The following PPAT variants were observed in gnomAD, a reference collection of about 807,000 sequenced individuals.
The protein encoded by PPAT is phosphoribosyl pyrophosphate amidotransferase, also known as amidophosphoribosyltransferase.
In PPAT, 20 loss-of-function variants were observed where a neutral mutation model predicts 60.2. That is an observed-to-expected ratio of 0.33 (90% confidence interval 0.23 to 0.48). The LOEUF is 0.48. Ranked by LOEUF, PPAT falls within the 20% of genes least tolerant of loss-of-function variation. The pLI is 0.99. For missense variants in PPAT, 349 were observed against 629.6 expected (o/e 0.55, Z 4.77); for synonymous variants, 194 against 215.1 (o/e 0.90, Z 0.86).
chr4:56,396,915 G>T lies in PPAT; in HGVS notation c.1237-176C>A, dbSNP rs763355375. 1 of 511,892 alleles carries T rather than the reference G, an allele frequency of 2.0e-6. No homozygotes were observed. Among genetic ancestry groups the T allele is most frequent in the Non-Finnish European group, 3.2e-6 (1 of 316,818 alleles). The allele number at this position is 511,892 out of a possible 1,614,324, so 31.7% of individuals were successfully genotyped here. On this transcript the variant is annotated intron_variant, in intron 9 of 10. Transcript: ENST00000264220. The surrounding 1 kb of genome is among the most constrained non-coding windows in gnomAD (Gnocchi z 4.6). ...TTTTCTTTCACCTAATCATGAGGAA[G>T]TTTCTTTGTCTAGATATCCTACTTC...
At chr4:56,406,303 G>A (rs771627205) in intron 3 of PPAT, among the ~76,000 whole-genome samples, 192 bp downstream of exon 3, 2 of 152,054 alleles carry the variant, frequency 1.3e-5, no homozygotes, top group Non-Finnish European at 2.9e-5. Flanking sequence ...CCCTTGTCTC[G>A]AACTCTAGGG....
Position 56,402,147 on chromosome 4 carries a change from C to T in PPAT, c.696G>A (p.Val232=), listed in dbSNP as rs1263397931. 66 of 1,606,604 alleles carry T rather than the reference C, an allele frequency of 4.1e-5. No individual in the cohort carries two copies. The highest frequency in any genetic ancestry group is 5.5e-5 in the Non-Finnish European group (65 of 1,174,476). The change falls in exon 6 of 11, where the codon GTG becomes GTA. Residue 232 remains valine, a synonymous_variant. Coordinates refer to ENST00000264220, the MANE Select transcript of PPAT (RefSeq NM_002703.5). ...KKTSETEGWV[V]SSESCSFLSI... Reference sequence around the variant, plus strand: ...ATAAGAAGCTACAAGATTCTGAAGACACCACCCATCCTTCTGTTTCTGATG... The same window carrying T: ...ATAAGAAGCTACAAGATTCTGAAGATACCACCCATCCTTCTGTTTCTGATG...
chr4:56,430,433 G>C (rs116750010), intron 1 of PPAT, among the ~76,000 whole-genome samples: 2 of 152,094 alleles, frequency 1.3e-5, no homozygotes, highest in African/African-American at 4.8e-5. Flanking sequence ...AGGTCTCTGC[G>C]AGGGCAGGGA....
intron 1 of PPAT, chr4:56,431,511 C>G: frequency 4.1e-6 from 4 of 980,082 alleles, no homozygotes; most frequent in Non-Finnish European, 4.8e-6. Flanking sequence ...AAAGATTCTA[C>G]AGAATGTTTC....
Position 56,396,578 on chromosome 4 carries a change from C to T in PPAT, c.1357+41G>A, listed in dbSNP as rs777842143. 7 of 1,549,768 alleles carry T rather than the reference C, an allele frequency of 4.5e-6. No individual in the cohort carries two copies. Among genetic ancestry groups the T allele is most frequent in the South Asian group, 1.1e-5 (1 of 86,992 alleles). On this transcript the variant is annotated intron_variant, in intron 10 of 10. Transcript: ENST00000264220. This position sits in a 1 kb window ranked among gnomAD's most constrained non-coding sequence, Gnocchi z 4.6. ...TAAAGACTGTCAAGCTTTGGATTTT[C>T]TCTGTTAATAATCAAAGTTTATAGA...
At chr4:56,401,042 G>T in intron 7 of PPAT, 131 bp from the exon 8 acceptor site, 1 of 990,854 alleles carries the variant, frequency 1.0e-6, no homozygotes. Flanking sequence ...AAATATGAAT[G>T]TGAAAATACA....
chr4:56,396,945 T>C lies in PPAT; in HGVS notation c.1237-206A>G. ...TTTGTCTAGATATCCTACTTCTCAT[T>C]TGATGTCTTTACATTCCTAGAGCCA... On this transcript the variant is annotated intron_variant, in intron 9 of 10. Coordinates refer to ENST00000264220, the MANE Select transcript of PPAT (RefSeq NM_002703.5). This position sits in a 1 kb window ranked among gnomAD's most constrained non-coding sequence, Gnocchi z 4.6. The C allele has an allele frequency of 2.6e-6, 1 of 389,294 alleles. No individual in the cohort carries two copies. Among genetic ancestry groups the C allele is most frequent in the East Asian group, 4.6e-5 (1 of 21,922 alleles). 24.1% of individuals were successfully genotyped at this position (389,294 alleles called of 1,614,324 possible).
At chr4:56,415,630 C>T (rs1716690246) in intron 1 of PPAT, among the ~76,000 whole-genome samples, 1 of 152,106 alleles carries the variant, frequency 6.6e-6, no homozygotes, top group Non-Finnish European at 1.5e-5. Flanking sequence ...TACTTAAAAA[C>T]TCTAAGCTAT....
intron 3 of PPAT, chr4:56,403,988 T>G (rs1338328727): frequency 1.6e-5 from 7 of 433,308 alleles, no homozygotes; most frequent in Non-Finnish European, 3.2e-5. Context: ...ACCACTCACC[T>G]CCTGCTGTGT....
chr4:56,395,409 C>A lies in PPAT; in HGVS notation c.1497G>T (p.Lys499Asn). ...ENGNGLECFEKSGHCTACLTG... is the reference protein window; with the variant it reads ...ENGNGLECFENSGHCTACLTG... ...TGAGACAAGCTGTACAATGACCACTCTTTTCAAAACATTCCAGACCATTTC... is the reference window on the plus strand; with the variant it reads ...TGAGACAAGCTGTACAATGACCACTATTTTCAAAACATTCCAGACCATTTC... The change falls in exon 11 of 11, where the codon AAG (lysine) becomes AAT (asparagine). Residue 499 changes from lysine (K) to asparagine (N), a missense_variant. Around this residue, in one of 5 missense-constraint regions of PPAT, gnomAD observed 167 missense variants for 328.6 expected, o/e 0.51. Coordinates refer to ENST00000264220, the MANE Select transcript of PPAT (RefSeq NM_002703.5). 6.2e-7 allele frequency: 1 copy of A among 1,611,026 alleles called. No homozygotes were observed. Among genetic ancestry groups the A allele is most frequent in the Non-Finnish European group, 8.5e-7 (1 of 1,178,244 alleles).
intron 1 of PPAT, among the ~76,000 whole-genome samples, chr4:56,427,156 T>C (rs1435514682): frequency 6.6e-6 from 1 of 152,258 alleles, no homozygotes; most frequent in Non-Finnish European, 1.5e-5. Context: ...GTTTCTGCCT[T>C]TCGGCTATTA....
chr4:56,395,243 T>C lies in PPAT; in HGVS notation c.*109A>G, dbSNP rs1184323504. 4.1e-6 allele frequency: 4 copies of C among 974,582 alleles called. No individual in the cohort carries two copies. Among genetic ancestry groups the C allele is most frequent in the Non-Finnish European group, 6.0e-6 (4 of 671,524 alleles). The allele number at this position is 974,582 out of a possible 1,614,324, so 60.4% of individuals were successfully genotyped here. ...ATCTCAAAACTTATAAACATAAGCA[T>C]GGCATTTTACATTGTACCAACTGAG... On this transcript the variant is annotated 3_prime_UTR_variant, in exon 11 of 11. Transcript: ENST00000264220.
intron 1 of PPAT, among the ~76,000 whole-genome samples, chr4:56,433,269 T>C (rs1191727376): frequency 1.3e-5 from 2 of 151,846 alleles, no homozygotes; most frequent in African/African-American, 4.8e-5. Context: ...AGTAATACAT[T>C]TGTTCCTCAA....
intron 5 of PPAT, among the ~76,000 whole-genome samples, 190 bp downstream of exon 5, chr4:56,402,835 AAAAAAAAAAAAAAGG>A (rs1157686076): frequency 7.8e-4 from 96 of 122,816 alleles, no homozygotes; most frequent in African/African-American, 2.0e-3. Context: ...AAAAAAAAAA[AAAAAAAAAAAAAAGG>A]GGGGGGACTC....
chr4:56,413,569 T>C (rs1716574762), intron 1 of PPAT, among the ~76,000 whole-genome samples: 1 of 152,200 alleles, frequency 6.6e-6, no homozygotes, highest in Admixed American at 6.5e-5. Flanking sequence ...GGAGTATTGA[T>C]GGGAAGAAGG....
chr4:56,434,127 C>T (rs1251307244), intron 1 of PPAT, among the ~76,000 whole-genome samples: 6 of 152,066 alleles, frequency 3.9e-5, no homozygotes, highest in Non-Finnish European at 8.8e-5. Flanking sequence ...TATGGTCAAC[C>T]CACAATTATC....
chr4:56,434,968 A>G (rs575004098), intron 1 of PPAT, among the ~76,000 whole-genome samples: 1 of 152,306 alleles, frequency 6.6e-6, no homozygotes, highest in Admixed American at 6.5e-5. Context: ...ACACTAGCCT[A>G]TTACAGGAGC....
intron 1 of PPAT, among the ~76,000 whole-genome samples, chr4:56,434,985 A>G (rs1263934515): frequency 1.3e-5 from 2 of 152,214 alleles, no homozygotes; most frequent in Non-Finnish European, 2.9e-5. Flanking sequence ...GAGCAGCCAC[A>G]GGCTCCGGGA....
At chr4:56,428,925 G>C (rs1176848096) in intron 1 of PPAT, 1 of 873,432 alleles carries the variant, frequency 1.1e-6, no homozygotes. Context: ...TTCTTTTCCT[G>C]TGTTTTTATT....
Sources: gnomAD v4.1 joint callset for allele counts (sites outside exome capture counted in the v4.1 genomes callset) on GRCh38, gnomAD v4.1.1 for gene constraint, gnomAD v4.1.1 regional missense constraint, Gnocchi (gnomAD v3.1) non-coding constraint, MANE v1.5 for transcripts, NCBI Gene and HGNC (gene_info 2026-07-23, HGNC 2026-07-21) for gene names.